GPC5: variants seen among roughly 807,000 people sequenced by gnomAD.
GPC5 encodes glypican-5.
In GPC5, 47 loss-of-function variants were observed where a neutral mutation model predicts 53.9. The observed-to-expected ratio is 0.87, with a 90% CI of 0.69 to 1.11. The LOEUF is 1.11. Among genes scored for constraint, GPC5 ranks in the 50% most tolerant of loss-of-function variants. GPC5 has a pLI of 0.00. For synonymous variants in GPC5, 286 were observed against 263.3 expected, an observed-to-expected ratio of 1.09 and a Z score of -0.84; for missense variants, 748 against 713.1, an observed-to-expected ratio of 1.05 and a Z score of -0.56.
intron 7 of GPC5, chr13:92,490,285 A>G (rs1037522407): frequency 1.4e-4 from 21 of 153,590 alleles, no homozygotes; most frequent in Non-Finnish European, 2.5e-4. Context: ...GTATTATTAT[A>G]TCTATTTTTT....
At chr13:92,612,117 C>A (rs1884457995) in intron 7 of GPC5, among the ~76,000 whole-genome samples, 1 of 152,028 alleles carries the variant, frequency 6.6e-6, no homozygotes, top group Admixed American at 6.6e-5. Flanking sequence ...GGAATTAGGT[C>A]TTTTCTCCAA....
At chr13:92,536,137 G>A (rs1295131794) in intron 7 of GPC5, among the ~76,000 whole-genome samples, 4 of 151,976 alleles carry the variant, frequency 2.6e-5, no homozygotes, top group East Asian at 1.9e-4. Flanking sequence ...AATGTGCATC[G>A]TCTCTAAGCC....
intron 7 of GPC5, among the ~76,000 whole-genome samples, chr13:92,296,699 G>C (rs552787180): frequency 1.6e-4 from 24 of 152,312 alleles, no homozygotes; most frequent in Middle Eastern, 3.4e-3. Flanking sequence ...GCTGCGTGCG[G>C]CGCTTGCGGG....
At chr13:92,251,624 T>C (rs2042693324) in intron 7 of GPC5, among the ~76,000 whole-genome samples, 1 of 152,056 alleles carries the variant, frequency 6.6e-6, no homozygotes, top group Non-Finnish European at 1.5e-5. Context: ...TTGAAGGAAT[T>C]AGAAGGAAGT....
intron 7 of GPC5, among the ~76,000 whole-genome samples, chr13:92,814,560 C>T (rs1199104352): frequency 6.6e-6 from 1 of 151,268 alleles, no homozygotes; most frequent in Non-Finnish European, 1.5e-5. Flanking sequence ...ATTTGGGAGG[C>T]TGAGGCAGGA....
intron 7 of GPC5, among the ~76,000 whole-genome samples, chr13:92,228,487 AG>A (rs973946773): frequency 6.6e-6 from 1 of 152,132 alleles, no homozygotes; most frequent in Non-Finnish European, 1.5e-5. Flanking sequence ...TAAGAAAAAA[AG>A]TTACACGAAT....
intron 6 of GPC5, among the ~76,000 whole-genome samples, chr13:91,949,062 A>T (rs75266532): frequency 0.021 from 3,233 of 152,238 alleles, 104 homozygotes; most frequent in African/African-American, 0.074. Context: ...TCTCCTTGAT[A>T]CTCATACATA....
chr13:92,026,453 C>G (rs1025641056), intron 6 of GPC5, among the ~76,000 whole-genome samples: 9 of 140,636 alleles, frequency 6.4e-5, no homozygotes, highest in African/African-American at 2.1e-4. Context: ...TTTCTTTTTT[C>G]TTTTTTTTTT....
At position 91,714,660 on chromosome 13, in the gene GPC5, T is replaced by G. The variant is rs1040040679; in HGVS notation, c.1021-13872T>G. On this transcript the variant is annotated intron_variant, in intron 3 of 7. Coordinates refer to ENST00000377067, the MANE Select transcript of GPC5 (RefSeq NM_004466.6). ...ATGTGTAATGATTTGCTGTACCTGA[T>G]TATCTGGGAAGGACAAGCTGTGAGT... Among the ~76,000 whole-genome samples the G allele has an allele frequency of 2.0e-5, 3 of 152,058 alleles. No individual in the cohort carries two copies. The South Asian group carries it at 6.2e-4, about 32-fold the overall frequency.
intron 5 of GPC5, among the ~76,000 whole-genome samples, chr13:91,843,773 T>C (rs529775005): frequency 1.5e-4 from 23 of 151,976 alleles, no homozygotes; most frequent in African/African-American, 5.5e-4. Context: ...AAGCATAAGC[T>C]TTCCAGATGC....
At chr13:91,592,269 G>A (rs988824972) in intron 2 of GPC5, among the ~76,000 whole-genome samples, 9 of 152,156 alleles carry the variant, frequency 5.9e-5, no homozygotes, top group Non-Finnish European at 8.8e-5. Flanking sequence ...CATGGGTGGT[G>A]AATAGGCTCT....
intron 7 of GPC5, among the ~76,000 whole-genome samples, chr13:92,551,336 T>C (rs542018084): frequency 6.6e-6 from 1 of 151,416 alleles, no homozygotes; most frequent in South Asian, 2.1e-4. Context: ...TAAATAAAAA[T>C]TGAGATATCA....
chr13:91,630,373 C>T (rs762855421), intron 2 of GPC5, among the ~76,000 whole-genome samples: 3 of 151,960 alleles, frequency 2.0e-5, no homozygotes, highest in South Asian at 2.1e-4. Flanking sequence ...AATCAGGGCT[C>T]GACGGGCTCA....
At chr13:91,624,895 C>G (rs1012120933) in intron 2 of GPC5, among the ~76,000 whole-genome samples, 1 of 151,656 alleles carries the variant, frequency 6.6e-6, no homozygotes, top group Non-Finnish European at 1.5e-5. Context: ...AATAAAAGCT[C>G]TACTCTGAGG....
intron 7 of GPC5, among the ~76,000 whole-genome samples, chr13:92,838,537 T>C (rs529491240): frequency 6.7e-6 from 1 of 149,050 alleles, no homozygotes; most frequent in Non-Finnish European, 1.5e-5. Context: ...TAGAAAATAA[T>C]ATTATATCGT....
intron 1 of GPC5, among the ~76,000 whole-genome samples, chr13:91,409,281 A>T (rs1877552551): frequency 6.6e-6 from 1 of 152,176 alleles, no homozygotes; most frequent in South Asian, 2.1e-4. Context: ...AGTCATTTTT[A>T]AAAAAGGTAT....
chr13:91,528,851 C>G (rs1311460910), intron 2 of GPC5, among the ~76,000 whole-genome samples: 1 of 152,128 alleles, frequency 6.6e-6, no homozygotes, highest in African/African-American at 2.4e-5. Flanking sequence ...AAAGAGAGCA[C>G]AGGAGCAACT....
chr13:92,586,431 C>CT (rs1326809414), intron 7 of GPC5, among the ~76,000 whole-genome samples: 1 of 152,154 alleles, frequency 6.6e-6, no homozygotes, highest in Non-Finnish European at 1.5e-5. Context: ...GTAAAGCAGG[C>CT]TGCATTTAGG....
chr13:92,432,840 TC>T (rs1465662092), intron 7 of GPC5, among the ~76,000 whole-genome samples: 1 of 152,138 alleles, frequency 6.6e-6, no homozygotes, highest in Non-Finnish European at 1.5e-5. Context: ...GGGTTTCTTT[TC>T]CTTTTCCTTT....
Sources: gnomAD v4.1 joint callset for allele counts (sites outside exome capture counted in the v4.1 genomes callset) on GRCh38, gnomAD v4.1.1 for gene constraint, MANE v1.5 for transcripts, NCBI Gene and HGNC (gene_info 2026-07-23, HGNC 2026-07-21) for gene names.